GALNT17: variants seen among roughly 807,000 people sequenced by gnomAD.
GALNT17 encodes UDP-GalNAc:polypeptide N-acetylgalactosaminyltransferase-like 3.
A neutral mutation model predicts 63.7 loss-of-function variants in GALNT17; 29 were observed. That is an observed-to-expected ratio of 0.46 (90% CI 0.34 to 0.62). GALNT17 has a LOEUF of 0.62. Among genes scored for constraint, GALNT17 ranks in the 20% least tolerant of loss-of-function variants. The probability of loss-of-function intolerance (pLI) is 0.01; values close to 1 mark genes in which losing one functional copy is unlikely to be tolerated. For missense variants in GALNT17, 603 were observed against 799.6 expected, an observed-to-expected ratio of 0.75 and a Z score of 2.97; for synonymous variants, 305 against 318.3, an observed-to-expected ratio of 0.96 and a Z score of 0.45.
At chr7:71,557,053 ATTTT>A (rs555277982) in intron 5 of GALNT17, among the ~76,000 whole-genome samples, 9 of 136,658 alleles carry the variant, frequency 6.6e-5, no homozygotes, top group African/African-American at 1.4e-4. Context: ...AACCCAGCTA[ATTTT>A]TTTTTTTTTT....
chr7:71,153,828 A>G (rs1311641514), intron 1 of GALNT17, among the ~76,000 whole-genome samples: 2 of 152,088 alleles, frequency 1.3e-5, no homozygotes, highest in African/African-American at 4.8e-5. Context: ...GAGGCAGGAG[A>G]ACCCAGGAGG....
At chr7:71,365,876 A>G (rs2116250341) in intron 2 of GALNT17, among the ~76,000 whole-genome samples, 1 of 152,146 alleles carries the variant, frequency 6.6e-6, no homozygotes, top group Non-Finnish European at 1.5e-5. Flanking sequence ...TTCTATTATT[A>G]TTACATTGTA....
At chr7:71,308,726 G>C (rs1038035901) in intron 1 of GALNT17, among the ~76,000 whole-genome samples, 1 of 151,580 alleles carries the variant, frequency 6.6e-6, no homozygotes, top group African/African-American at 2.4e-5. Context: ...CTTTGGAAGT[G>C]CCTTTCATTT....
intron 6 of GALNT17, among the ~76,000 whole-genome samples, chr7:71,583,706 T>C (rs760728744): frequency 1.3e-5 from 2 of 151,708 alleles, no homozygotes; most frequent in Middle Eastern, 6.8e-3. Context: ...AGCTATAACA[T>C]GCACATGCAT....
chr7:71,633,629 T>C (rs1281171557), intron 6 of GALNT17, among the ~76,000 whole-genome samples: 1 of 152,304 alleles, frequency 6.6e-6, no homozygotes, highest in East Asian at 1.9e-4. Context: ...CATTGCCCTC[T>C]GAGGGCCCCG....
intron 1 of GALNT17, among the ~76,000 whole-genome samples, chr7:71,161,660 T>C (rs972749002): frequency 1.3e-5 from 2 of 152,166 alleles, no homozygotes; most frequent in Admixed American, 1.3e-4. Flanking sequence ...TTAATTTCAA[T>C]TTTTTTGCAT....
intron 1 of GALNT17, among the ~76,000 whole-genome samples, chr7:71,319,626 C>T (rs546759053): frequency 4.7e-4 from 71 of 152,264 alleles, no homozygotes; most frequent in African/African-American, 1.6e-3. Context: ...TACTAGGCAC[C>T]TCCAATGTTG....
At chr7:71,629,212 G>T (rs74735924) in intron 6 of GALNT17, among the ~76,000 whole-genome samples, 3,569 of 152,208 alleles carry the variant, frequency 0.023, 149 homozygotes, top group African/African-American at 0.081. Flanking sequence ...CTAGCAGAGA[G>T]TGAGGGGGCA....
At chr7:71,318,118 C>G (rs750429038) in intron 1 of GALNT17, among the ~76,000 whole-genome samples, 1 of 152,016 alleles carries the variant, frequency 6.6e-6, no homozygotes, top group Non-Finnish European at 1.5e-5. Flanking sequence ...TGTTGCCAGA[C>G]TGGTCTCAAA....
rs531101483 is a variant in GALNT17 at position 71,516,811 on chromosome 7, G to C, written c.963-54474G>C. ...GAGCAGCATCTCTGCTCTAACTCAA[G>C]ATTTCTACCTCCAAGATAACTACTT... is the stretch of plus-strand genomic sequence containing the variant. On this transcript the variant is annotated intron_variant, in intron 5 of 10. Transcript: ENST00000333538. Among the ~76,000 whole-genome samples, 11 of 152,160 alleles carry C rather than the reference G, an allele frequency of 7.2e-5. No individual in the cohort carries two copies. In the East Asian group the frequency reaches 2.1e-3, roughly 29 times the overall value.
intron 1 of GALNT17, among the ~76,000 whole-genome samples, chr7:71,173,752 G>A (rs746666206): frequency 2.0e-5 from 3 of 152,170 alleles, no homozygotes; most frequent in Non-Finnish European, 2.9e-5. Context: ...CAGCTTGTGC[G>A]ATAGGGCGAG....
At chr7:71,527,312 A>G (rs1158475346) in intron 5 of GALNT17, among the ~76,000 whole-genome samples, 1 of 152,232 alleles carries the variant, frequency 6.6e-6, no homozygotes, top group Non-Finnish European at 1.5e-5. Flanking sequence ...CAGAGAAGAG[A>G]AAAATTAGGA....
intron 1 of GALNT17, among the ~76,000 whole-genome samples, chr7:71,221,319 C>T (rs1356901842): frequency 2.0e-5 from 3 of 151,450 alleles, no homozygotes; most frequent in Non-Finnish European, 2.9e-5. Context: ...TTTTCTTTAT[C>T]CAATCTGTCA....
intron 7 of GALNT17, among the ~76,000 whole-genome samples, chr7:71,666,484 A>T (rs1472634955): frequency 4.0e-5 from 6 of 151,810 alleles, no homozygotes; most frequent in African/African-American, 1.5e-4. Context: ...GTGATTTGTA[A>T]GATCCTGGTG....
At chr7:71,615,116 A>G in intron 6 of GALNT17, among the ~76,000 whole-genome samples, 1 of 152,214 alleles carries the variant, frequency 6.6e-6, no homozygotes, top group South Asian at 2.1e-4. Context: ...TGGAAGGAAT[A>G]TAGCCCTGAC....
intron 1 of GALNT17, among the ~76,000 whole-genome samples, chr7:71,334,915 G>T: frequency 6.6e-6 from 1 of 152,160 alleles, no homozygotes; most frequent in Non-Finnish European, 1.5e-5. Context: ...TCTGCAGTTT[G>T]GCAGTTATCT....
intron 5 of GALNT17, among the ~76,000 whole-genome samples, chr7:71,472,215 A>T (rs924671937): frequency 3.9e-5 from 6 of 152,126 alleles, no homozygotes; most frequent in Non-Finnish European, 8.8e-5. Flanking sequence ...CTCCATCCTC[A>T]TGACCTCATC....
intron 5 of GALNT17, among the ~76,000 whole-genome samples, chr7:71,484,132 A>C (rs1180269276): frequency 6.6e-6 from 1 of 152,158 alleles, no homozygotes; most frequent in Non-Finnish European, 1.5e-5. Flanking sequence ...ACTCTAAAAT[A>C]ATGATGAAAG....
chr7:71,211,007 T>C (rs1478505023), intron 1 of GALNT17, among the ~76,000 whole-genome samples: 1 of 152,250 alleles, frequency 6.6e-6, no homozygotes, highest in Non-Finnish European at 1.5e-5. Context: ...TTCAGTCTTA[T>C]CAATTACATT....
Sources: gnomAD v4.1 joint callset for allele counts (sites outside exome capture counted in the v4.1 genomes callset) on GRCh38, gnomAD v4.1.1 for gene constraint, MANE v1.5 for transcripts, NCBI Gene and HGNC (gene_info 2026-07-23, HGNC 2026-07-21) for gene names.